Variants in LRRFIP2 observed in about 807,000 individuals in gnomAD.
The protein encoded by LRRFIP2 is leucine-rich repeat flightless-interacting protein 2.
Under a neutral mutation model 125.9 loss-of-function variants are expected in LRRFIP2, and 109 were observed. The observed-to-expected ratio is 0.87, with a 90% CI of 0.74 to 1.01. The LOEUF (loss-of-function observed/expected upper bound fraction) is 1.01, where lower values mean the gene tolerates loss of function less well. Among genes scored for constraint, LRRFIP2 ranks in the 50% least tolerant of loss-of-function variants. LRRFIP2 has a pLI of 0.00. For missense variants in LRRFIP2, 850 were observed against 862.3 expected (o/e 0.99, Z 0.18); for synonymous variants, 291 against 293.1 (o/e 0.99, Z 0.07).
intron 1 of LRRFIP2, among the ~76,000 whole-genome samples, chr3:37,168,922 G>A (rs9820475): frequency 0.033 from 4,984 of 152,258 alleles, 230 homozygotes; most frequent in African/African-American, 0.1. Context: ...AATTACAGGT[G>A]CACACCACCA....
intron 1 of LRRFIP2, chr3:37,170,437 T>C (rs1478470108): frequency 3.3e-5 from 5 of 152,234 alleles, no homozygotes; most frequent in Non-Finnish European, 7.3e-5. Flanking sequence ...AGACACCACA[T>C]AGTACAAACT....
chr3:37,082,774 T>C (rs543349345), intron 19 of LRRFIP2, among the ~76,000 whole-genome samples: 3 of 152,340 alleles, frequency 2.0e-5, no homozygotes, highest in African/African-American at 7.2e-5. Context: ...TGGGCATTTC[T>C]AGTCCTCAAG....
At chr3:37,162,614 T>C (rs910775384) in intron 1 of LRRFIP2, among the ~76,000 whole-genome samples, 1 of 152,190 alleles carries the variant, frequency 6.6e-6, no homozygotes, top group Non-Finnish European at 1.5e-5. Context: ...AAGATAGGCT[T>C]CAGCAAGTAA....
chr3:37,174,398 C>T (rs2096627873), intron 1 of LRRFIP2, 141 bp downstream of exon 1: 1 of 152,180 alleles, frequency 6.6e-6, no homozygotes, highest in African/African-American at 2.4e-5. Context: ...CTTCAATACA[C>T]ACTTTCTTCT....
intron 2 of LRRFIP2, chr3:37,134,569 G>C: frequency 2.1e-6 from 1 of 486,982 alleles, no homozygotes; most frequent in South Asian, 1.7e-5. Flanking sequence ...ATGAGACAAT[G>C]CTGTCCCACC....
intron 4 of LRRFIP2, 41 bp downstream of exon 4, chr3:37,127,589 G>C: frequency 1.3e-6 from 2 of 1,591,290 alleles, no homozygotes; most frequent in East Asian, 2.2e-5. Context: ...CATTATTTCA[G>C]CAATTGATCA....
chr3:37,166,158 C>T (rs1188351906), intron 1 of LRRFIP2, among the ~76,000 whole-genome samples: 1 of 151,848 alleles, frequency 6.6e-6, no homozygotes, highest in Non-Finnish European at 1.5e-5. Flanking sequence ...GGTGAAAACC[C>T]GTCTCTACTA....
At chr3:37,165,974 C>T (rs908944094) in intron 1 of LRRFIP2, among the ~76,000 whole-genome samples, 1 of 152,062 alleles carries the variant, frequency 6.6e-6, no homozygotes, top group Non-Finnish European at 1.5e-5. Flanking sequence ...TTGAATTTGG[C>T]AATGATTTCT....
At chr3:37,144,690 A>G (rs1359857758) in intron 2 of LRRFIP2, among the ~76,000 whole-genome samples, 3 of 152,320 alleles carry the variant, frequency 2.0e-5, no homozygotes, top group Admixed American at 1.3e-4. Context: ...TGGTGCTAAA[A>G]CTGCTATTTT....
intron 2 of LRRFIP2, among the ~76,000 whole-genome samples, chr3:37,146,332 A>G (rs906623699): frequency 1.3e-5 from 2 of 152,242 alleles, no homozygotes; most frequent in African/African-American, 4.8e-5. Context: ...GTTCTGGGAT[A>G]CATGTGCAGG....
rs1489080027 is a variant in LRRFIP2 at position 37,055,081 on chromosome 3, C to T, written c.1950+5G>A. On this transcript the variant is annotated splice_donor_5th_base_variant and intron_variant, in intron 26 of 27. Coordinates refer to ENST00000336686, the MANE Select transcript of LRRFIP2 (RefSeq NM_006309.4). The stretch of plus-strand genomic sequence containing the variant: ...AATAACTTAGTACCATATAGAAGTA[C>T]TTACACTTTGCTCCAAGGTAGTTAT... 6.4e-7 allele frequency: 1 copy of T among 1,574,774 alleles called. No homozygotes were observed. Among genetic ancestry groups the T allele is most frequent in the Non-Finnish European group, 8.7e-7 (1 of 1,155,930 alleles).
chr3:37,095,570 C>T (rs749524505), intron 16 of LRRFIP2, among the ~76,000 whole-genome samples: 1 of 152,050 alleles, frequency 6.6e-6, no homozygotes, highest in Admixed American at 6.6e-5. Context: ...GGATACATAC[C>T]AGATTTTGAA....
At chr3:37,069,640 T>C (rs757678743) in intron 21 of LRRFIP2, among the ~76,000 whole-genome samples, 18 of 152,148 alleles carry the variant, frequency 1.2e-4, no homozygotes, top group Non-Finnish European at 2.5e-4. Context: ...GTGGTGACAG[T>C]AGCACAACAA....
At chr3:37,066,520 T>G (rs2090191559) in intron 21 of LRRFIP2, 195 bp from the exon 22 acceptor site, 1 of 548,824 alleles carries the variant, frequency 1.8e-6, no homozygotes, top group Non-Finnish European at 3.3e-6. Context: ...AGAAGAGACT[T>G]CTCATAGAAA....
At chr3:37,167,474 C>A (rs1030088568) in intron 1 of LRRFIP2, among the ~76,000 whole-genome samples, 6 of 149,686 alleles carry the variant, frequency 4.0e-5, no homozygotes, top group African/African-American at 1.2e-4. Context: ...GCCAATAGGG[C>A]GAAACCCCGT....
chr3:37,091,384 T>C, intron 18 of LRRFIP2, 83 bp downstream of exon 18: 1 of 1,022,560 alleles, frequency 9.8e-7, no homozygotes, highest in South Asian at 1.6e-5. Context: ...CTATGTGCAG[T>C]TGGTTAACAG....
At chr3:37,146,147 G>C (rs78969115) in intron 2 of LRRFIP2, among the ~76,000 whole-genome samples, 4,517 of 152,218 alleles carry the variant, frequency 0.03, 102 homozygotes, top group Non-Finnish European at 0.046. Flanking sequence ...AGAAATCTGG[G>C]TAAATCCCTC....
At chr3:37,154,637 G>T (rs1421274096) in intron 1 of LRRFIP2, 1 of 152,202 alleles carries the variant, frequency 6.6e-6, no homozygotes, top group East Asian at 1.9e-4. Flanking sequence ...AGTATCTTCA[G>T]GATCTTGCAG....
intron 2 of LRRFIP2, among the ~76,000 whole-genome samples, chr3:37,137,221 G>A (rs2095580890): frequency 6.6e-6 from 1 of 152,078 alleles, no homozygotes; most frequent in Non-Finnish European, 1.5e-5. Context: ...CAAGCAATCT[G>A]CATGCCTCGG....
Sources: gnomAD v4.1 joint callset for allele counts (sites outside exome capture counted in the v4.1 genomes callset) on GRCh38, gnomAD v4.1.1 for gene constraint, MANE v1.5 for transcripts, NCBI Gene and HGNC (gene_info 2026-07-23, HGNC 2026-07-21) for gene names.